CRYBB1: variants seen among roughly 807,000 people sequenced by gnomAD.
CRYBB1 encodes the protein crystallin beta B1.
A neutral mutation model predicts 29.5 loss-of-function variants in CRYBB1; 16 were observed. The ratio of observed to expected loss-of-function variants is 0.54; its 90% CI spans 0.37 to 0.82. The LOEUF (loss-of-function observed/expected upper bound fraction) is 0.82. Ranked by LOEUF, CRYBB1 falls within the 40% of genes least tolerant of loss-of-function variation. The pLI is 0.00. For missense variants in CRYBB1, 300 were observed against 350.5 expected (o/e 0.86, Z 1.15); for synonymous variants, 127 against 136.7 (o/e 0.93, Z 0.49).
At chr22:26,600,972 C>T (rs1234925236) in intron 5 of CRYBB1, among the ~76,000 whole-genome samples, 1 of 152,226 alleles carries the variant, frequency 6.6e-6, no homozygotes, top group Non-Finnish European at 1.5e-5. Context: ...AAGTAAGTTC[C>T]TTGAAGGTAG....
chr22:26,616,523 A>G (rs971170098), intron 1 of CRYBB1, among the ~76,000 whole-genome samples, 185 bp from the exon 2 acceptor site: 3 of 152,024 alleles, frequency 2.0e-5, no homozygotes, highest in African/African-American at 7.3e-5. Flanking sequence ...TCTGGGGGCC[A>G]CTCATCCCAC....
chr22:26,610,425 G>C (rs943166083), intron 3 of CRYBB1, among the ~76,000 whole-genome samples: 4 of 152,042 alleles, frequency 2.6e-5, no homozygotes, highest in African/African-American at 9.7e-5. Flanking sequence ...CATCAGGCAC[G>C]GCTCCAAGGC....
At chr22:26,616,080 G>A in intron 2 of CRYBB1, 60 bp downstream of exon 2, 1 of 1,308,562 alleles carries the variant, frequency 7.6e-7, no homozygotes, top group Non-Finnish European at 1.1e-6. Flanking sequence ...AGAAGAAGGA[G>A]GAGGAGGGAA....
At chr22:26,609,693 G>C (rs949863829) in intron 3 of CRYBB1, among the ~76,000 whole-genome samples, 6 of 152,202 alleles carry the variant, frequency 3.9e-5, no homozygotes, top group African/African-American at 1.4e-4. Context: ...ATGAATAAAT[G>C]GGTGGATAGA....
intron 3 of CRYBB1, among the ~76,000 whole-genome samples, chr22:26,608,635 G>T (rs769613596): frequency 2.0e-5 from 3 of 151,762 alleles, no homozygotes; most frequent in Non-Finnish European, 4.4e-5. Context: ...GTGGTGTCAG[G>T]GTTCTTTTAA....
At chr22:26,606,530 C>T (rs938473181) in intron 4 of CRYBB1, among the ~76,000 whole-genome samples, 1 of 152,220 alleles carries the variant, frequency 6.6e-6, no homozygotes, top group East Asian at 1.9e-4. Context: ...CCTGGTTGAT[C>T]ACTCTTCCAA....
intron 1 of CRYBB1, among the ~76,000 whole-genome samples, chr22:26,617,318 A>G (rs1041698078): frequency 6.6e-6 from 1 of 152,162 alleles, no homozygotes; most frequent in Non-Finnish European, 1.5e-5. Context: ...TTTGGAGACA[A>G]TGTTAAGGGA....
chr22:26,617,719 A>G (rs1180087073), intron 1 of CRYBB1, among the ~76,000 whole-genome samples: 1 of 140,306 alleles, frequency 7.1e-6, no homozygotes, highest in African/African-American at 2.7e-5. Flanking sequence ...CTCCCCCACT[A>G]TCTCTCCCTC....
rs1377046378 is a variant in CRYBB1 at position 26,616,328 on chromosome 22, C to T, written c.-9G>A. On this transcript the variant is annotated 5_prime_UTR_variant, in exon 2 of 6. Transcript: ENST00000647684. ...TTTGCAGCCTGAGACATGGTTCCCG[C>T]CTGCAAAAGTCTGTAAAGAAACTCT... 1 of 1,612,022 alleles carries T rather than the reference C, an allele frequency of 6.2e-7. No homozygotes were observed. Among genetic ancestry groups the T allele is most frequent in the Non-Finnish European group, 8.5e-7 (1 of 1,179,362 alleles).
chr22:26,617,080 A>T (rs1254616194), intron 1 of CRYBB1, among the ~76,000 whole-genome samples: 1 of 152,128 alleles, frequency 6.6e-6, no homozygotes, highest in Non-Finnish European at 1.5e-5. Flanking sequence ...GGGTTGGTGT[A>T]TGGGTGCAAA....
intron 2 of CRYBB1, among the ~76,000 whole-genome samples, chr22:26,615,921 G>T (rs546981580): frequency 6.6e-6 from 1 of 152,190 alleles, no homozygotes; most frequent in South Asian, 2.1e-4. Context: ...CCAAGGTGAG[G>T]GAAAAAGAGA....
intron 4 of CRYBB1, among the ~76,000 whole-genome samples, chr22:26,602,797 T>A (rs558894711): frequency 6.6e-6 from 1 of 151,948 alleles, no homozygotes; most frequent in Non-Finnish European, 1.5e-5. Context: ...AGGTGAAACG[T>A]GGAACATTGG....
rs553142965 is a variant in CRYBB1 at position 26,611,532 on chromosome 22, T to A, written c.299+540A>T. Among the ~76,000 whole-genome samples, 334 of 150,634 alleles carry A rather than the reference T, an allele frequency of 2.2e-3. 1 individual carries two copies. Among genetic ancestry groups the A allele is most frequent in the African/African-American group, 7.8e-3 (318 of 40,990 alleles). Reference sequence around the variant, plus strand: ...GCCCAGGCCGGACTGCAGACTGCAGTGGCGCAATCTCGGCTCACTGCAAGC... The same window carrying A: ...GCCCAGGCCGGACTGCAGACTGCAGAGGCGCAATCTCGGCTCACTGCAAGC... On this transcript the variant is annotated intron_variant, in intron 3 of 5. Transcript: ENST00000647684.
At chr22:26,611,450 G>GT (rs938742772) in intron 3 of CRYBB1, among the ~76,000 whole-genome samples, 25 of 145,136 alleles carry the variant, frequency 1.7e-4, no homozygotes, top group Non-Finnish European at 2.6e-4. Context: ...ATGGGCTAGA[G>GT]TTTGTTTTTT....
intron 4 of CRYBB1, among the ~76,000 whole-genome samples, chr22:26,607,308 C>T (rs993893720): frequency 5.9e-5 from 9 of 152,108 alleles, no homozygotes; most frequent in African/African-American, 2.2e-4. Context: ...AGGCATGGGC[C>T]ACCATGCCCG....
chr22:26,616,080 G>T, intron 2 of CRYBB1, 60 bp downstream of exon 2: 1 of 1,308,562 alleles, frequency 7.6e-7, no homozygotes, highest in Non-Finnish European at 1.1e-6. Flanking sequence ...AGAAGAAGGA[G>T]GAGGAGGGAA....
At chr22:26,609,458 A>G (rs555491732) in intron 3 of CRYBB1, among the ~76,000 whole-genome samples, 1 of 152,096 alleles carries the variant, frequency 6.6e-6, no homozygotes, top group Non-Finnish European at 1.5e-5. Context: ...GGATGGGTAG[A>G]TGGACAGATG....
intron 5 of CRYBB1, among the ~76,000 whole-genome samples, chr22:26,601,078 C>A (rs572714000): frequency 1.6e-4 from 25 of 152,182 alleles, no homozygotes; most frequent in Middle Eastern, 6.8e-3. Flanking sequence ...GCTTGAATGG[C>A]AGGGATATAG....
chr22:26,601,054 G>A (rs978692306), intron 5 of CRYBB1, among the ~76,000 whole-genome samples: 4 of 152,172 alleles, frequency 2.6e-5, no homozygotes, highest in Admixed American at 6.6e-5. Flanking sequence ...ACAAGGCTCC[G>A]TATATTTCAG....
Sources: allele counts gnomAD v4.1 joint callset (sites outside exome capture counted in the v4.1 genomes callset), GRCh38; gene constraint gnomAD v4.1.1; transcripts MANE v1.5; gene names NCBI Gene and HGNC (gene_info 2026-07-23, HGNC 2026-07-21).